Variants in TBC1D19 observed in about 807,000 individuals in gnomAD.
TBC1D19 encodes the protein TBC1 domain family, member 19.
TBC1D19 carries 60 observed loss-of-function variants against 89.0 expected under a neutral mutation model. The ratio of observed to expected loss-of-function variants is 0.67; its 90% CI spans 0.55 to 0.84. The LOEUF is 0.84. TBC1D19 is among the 40% of genes least tolerant of loss of function. The pLI is 0.00. For missense variants in TBC1D19, 500 were observed against 610.8 expected (o/e 0.82, Z 1.91); for synonymous variants, 189 against 199.7 (o/e 0.95, Z 0.45).
chr4:26,828,554 C>G, the TBC1D19 span, among the ~76,000 whole-genome samples: 3 of 152,254 alleles, frequency 2.0e-5, no homozygotes, highest in Non-Finnish European at 2.9e-5. Flanking sequence ...TAAGACACTG[C>G]TCCCCAAATC....
chr4:26,666,331 A>G lies in TBC1D19; in HGVS notation c.592-2A>G. The G allele has an allele frequency of 3.1e-6, 5 of 1,610,004 alleles. No individual in the cohort carries two copies. Among genetic ancestry groups the G allele is most frequent in the Non-Finnish European group, 4.2e-6 (5 of 1,177,428 alleles). On this transcript the variant is annotated splice_acceptor_variant, in intron 8 of 20. Coordinates refer to ENST00000264866, the MANE Select transcript of TBC1D19 (RefSeq NM_018317.4). LOFTEE classifies it high-confidence loss of function. ...GTTAATTCTACGTATGTTATTTTTC[A>G]GAAAGAATGCTTTGTGGAACTTGGC... is the stretch of plus-strand genomic sequence containing the variant.
intron 4 of TBC1D19, among the ~76,000 whole-genome samples, chr4:26,635,640 T>A (rs1227146887): frequency 6.6e-6 from 1 of 152,158 alleles, no homozygotes; most frequent in Non-Finnish European, 1.5e-5. Context: ...TAAAATTTTT[T>A]AAAATACTTG....
intron 20 of TBC1D19, 60 bp downstream of exon 20, chr4:26,753,950 C>A: frequency 6.3e-7 from 1 of 1,586,234 alleles, no homozygotes; most frequent in South Asian, 1.1e-5. Flanking sequence ...GCCAGGCTGT[C>A]ATTTTAGTGT....
At chr4:26,654,002 T>G (rs903315667) in intron 7 of TBC1D19, among the ~76,000 whole-genome samples, 2 of 152,230 alleles carry the variant, frequency 1.3e-5, no homozygotes, top group East Asian at 1.9e-4. Context: ...GTTTTTGCAG[T>G]GGCTGGTACC....
chr4:26,856,151 C>T, the TBC1D19 span, among the ~76,000 whole-genome samples: 42,746 of 151,926 alleles, frequency 0.28, 6,131 homozygotes, highest in Admixed American at 0.32. Context: ...ACTTACCAGC[C>T]TCTGGTAATC....
chr4:26,765,030 G>A, the TBC1D19 span, among the ~76,000 whole-genome samples: 1 of 152,118 alleles, frequency 6.6e-6, no homozygotes, highest in Non-Finnish European at 1.5e-5. Flanking sequence ...TGAATCATGA[G>A]AGTACATGTT....
chr4:26,592,766 G>A (rs1268699263), intron 1 of TBC1D19, among the ~76,000 whole-genome samples: 1 of 151,598 alleles, frequency 6.6e-6, no homozygotes, highest in African/African-American at 2.4e-5. Flanking sequence ...AAATACCTAG[G>A]AATCCAACTT....
Position 26,638,838 on chromosome 4 carries a change from T to A in TBC1D19, c.433+4T>A, listed in dbSNP as rs1743304843. 1 of 1,603,606 alleles carries A rather than the reference T, an allele frequency of 6.2e-7. No individual in the cohort carries two copies. The highest frequency in any genetic ancestry group is 1.1e-5 in the South Asian group (1 of 88,260). ...GAAATGGGAACTGATGAACCAGGTA[T>A]GTGAACAATTTTTTCTGAATGTAGT... is the stretch of plus-strand genomic sequence containing the variant. On this transcript the variant is annotated splice_donor_region_variant and intron_variant, in intron 6 of 20. Transcript: ENST00000264866.
intron 1 of TBC1D19, among the ~76,000 whole-genome samples, chr4:26,592,407 C>T (rs760652422): frequency 6.6e-6 from 1 of 152,164 alleles, no homozygotes; most frequent in Non-Finnish European, 1.5e-5. Context: ...AAACTGGAAG[C>T]ATTCCCTTTG....
At chr4:26,580,825 G>T (rs1027153), upstream of TBC1D19, among the ~76,000 whole-genome samples, 7,344 of 152,254 alleles carry the variant, frequency 0.048, 600 homozygotes, top group African/African-American at 0.17. Flanking sequence ...AGGCTGGCAG[G>T]TTGTTTTTAA....
At chr4:26,806,245 C>G in the TBC1D19 span, among the ~76,000 whole-genome samples, 3 of 152,214 alleles carry the variant, frequency 2.0e-5, no homozygotes, top group African/African-American at 7.2e-5. Context: ...ACTCCAGTGC[C>G]ACTTCCTCAG....
the TBC1D19 span, among the ~76,000 whole-genome samples, chr4:26,823,693 G>C: frequency 3.3e-5 from 5 of 152,300 alleles, no homozygotes; most frequent in East Asian, 9.7e-4. Context: ...TTCTCAGCTA[G>C]GTGAGCCAAT....
intron 14 of TBC1D19, among the ~76,000 whole-genome samples, 163 bp downstream of exon 14, chr4:26,718,180 A>G (rs898954500): frequency 1.3e-5 from 2 of 152,088 alleles, no homozygotes; most frequent in Non-Finnish European, 2.9e-5. Context: ...TCAGTGCCCA[A>G]GTAATTTATC....
chr4:26,768,321 C>T, the TBC1D19 span, among the ~76,000 whole-genome samples: 1 of 152,244 alleles, frequency 6.6e-6, no homozygotes, highest in African/African-American at 2.4e-5. Context: ...AGCTTAAAAG[C>T]AAGGCTCAGG....
chr4:26,664,522 T>G (rs562533742), intron 8 of TBC1D19, among the ~76,000 whole-genome samples: 56 of 152,230 alleles, frequency 3.7e-4, no homozygotes, highest in Admixed American at 3.5e-3. Flanking sequence ...ATGATTTCAA[T>G]TACAGAAGAG....
At chr4:26,595,149 ATATCT>A (rs1157971124) in intron 1 of TBC1D19, among the ~76,000 whole-genome samples, 1 of 152,124 alleles carries the variant, frequency 6.6e-6, no homozygotes, top group African/African-American at 2.4e-5. Flanking sequence ...GTGTGTTGTG[ATATCT>A]TATTATTTTA....
chr4:26,625,924 C>T (rs74502072), intron 4 of TBC1D19, among the ~76,000 whole-genome samples: 2,107 of 152,154 alleles, frequency 0.014, 24 homozygotes, highest in Middle Eastern at 0.078. Flanking sequence ...TGTAATGTTA[C>T]TCTTTTTCCC....
the TBC1D19 span, among the ~76,000 whole-genome samples, chr4:26,854,783 C>T: frequency 8.1e-5 from 12 of 147,324 alleles, no homozygotes; most frequent in East Asian, 6.1e-4. Flanking sequence ...AGGTGGTAGA[C>T]GCTCCTGGGA....
intron 11 of TBC1D19, among the ~76,000 whole-genome samples, chr4:26,681,293 C>T (rs1403444785): frequency 6.6e-6 from 1 of 151,884 alleles, no homozygotes; most frequent in Non-Finnish European, 1.5e-5. Flanking sequence ...AATCCCAGCA[C>T]TTTGGGAGGC....
Sources: allele counts gnomAD v4.1 joint callset (sites outside exome capture counted in the v4.1 genomes callset), GRCh38; gene constraint gnomAD v4.1.1; transcripts MANE v1.5; gene names NCBI Gene and HGNC (gene_info 2026-07-23, HGNC 2026-07-21).